The following FHIT variants were observed in gnomAD, a reference collection of about 807,000 sequenced individuals.
FHIT encodes fragile histidine triad diadenosine triphosphatase.
FHIT carries 19 observed loss-of-function variants against 17.9 expected under a neutral mutation model. That is an observed-to-expected ratio of 1.06 (90% confidence interval 0.74 to 1.56). The LOEUF (loss-of-function observed/expected upper bound fraction) is 1.56. FHIT is among the 40% of genes most tolerant of loss of function. The pLI, the probability that FHIT is intolerant of heterozygous loss-of-function variation, is 0.00. For synonymous variants in FHIT, 81 were observed against 69.7 expected (o/e 1.16, Z -0.81); for missense variants, 248 against 189.2 (o/e 1.31, Z -1.82).
At chr3:61,139,032 T>A (rs1283374734) in intron 2 of FHIT, among the ~76,000 whole-genome samples, 2 of 139,436 alleles carry the variant, frequency 1.4e-5, no homozygotes. Context: ...ATATCAAACT[T>A]TTTTTTTTTT....
At chr3:60,164,798 C>T (rs1007025209) in intron 5 of FHIT, among the ~76,000 whole-genome samples, 1 of 152,056 alleles carries the variant, frequency 6.6e-6, no homozygotes, top group Non-Finnish European at 1.5e-5. Flanking sequence ...TAAGAGAGTA[C>T]ATTTAAAGCA....
At chr3:60,217,068 G>C (rs1703729159) in intron 5 of FHIT, among the ~76,000 whole-genome samples, 1 of 152,148 alleles carries the variant, frequency 6.6e-6, no homozygotes, top group South Asian at 2.1e-4. Context: ...CTATATTAAA[G>C]CATTAGCATG....
chr3:60,305,044 A>G (rs1372497733), intron 5 of FHIT, among the ~76,000 whole-genome samples: 1 of 152,136 alleles, frequency 6.6e-6, no homozygotes, highest in African/African-American at 2.4e-5. Flanking sequence ...ATTGGTGAAA[A>G]TCCTACCACT....
At chr3:60,821,246 G>C (rs540677293) in intron 4 of FHIT, among the ~76,000 whole-genome samples, 3 of 152,236 alleles carry the variant, frequency 2.0e-5, no homozygotes, top group African/African-American at 7.2e-5. Context: ...AAAGTGCTGG[G>C]ATTACAGGCC....
chr3:60,490,177 A>G (rs963507064), intron 5 of FHIT, among the ~76,000 whole-genome samples: 2 of 152,206 alleles, frequency 1.3e-5, no homozygotes, highest in Non-Finnish European at 2.9e-5. Flanking sequence ...AGCCACAAAC[A>G]TGGTTTAATC....
chr3:60,313,496 T>G (rs1038499707), intron 5 of FHIT, among the ~76,000 whole-genome samples: 2 of 152,172 alleles, frequency 1.3e-5, no homozygotes, highest in Admixed American at 6.5e-5. Context: ...ACCTATAACT[T>G]AGATTTCATG....
At position 59,779,998 on chromosome 3, in the gene FHIT, C is replaced by A. The variant is rs932568969; in HGVS notation, c.349-27677G>T. Among the ~76,000 whole-genome samples the A allele has an allele frequency of 3.9e-5, 6 of 152,176 alleles. No homozygotes were observed. The South Asian group carries it at 6.2e-4, about 16-fold the overall frequency. ...CTGCTAGGCAGAAGGTGGGTGAAAG[C>A]CACAAGCATAGCCTGCCTCATAGTA... On this transcript the variant is annotated intron_variant, in intron 8 of 9. Coordinates refer to ENST00000492590, the MANE Select transcript of FHIT (RefSeq NM_002012.4).
intron 5 of FHIT, among the ~76,000 whole-genome samples, chr3:60,308,771 A>T (rs910667336): frequency 6.6e-6 from 1 of 152,136 alleles, no homozygotes; most frequent in Non-Finnish European, 1.5e-5. Context: ...TCACTCCTAT[A>T]ATCATCTCTA....
chr3:61,090,130 T>C (rs1449014643), intron 2 of FHIT, among the ~76,000 whole-genome samples: 3 of 152,222 alleles, frequency 2.0e-5, no homozygotes, highest in African/African-American at 7.2e-5. Flanking sequence ...AGTATCAAAA[T>C]AGCCCCCCAA....
chr3:60,673,565 T>A (rs1319429599), intron 4 of FHIT, among the ~76,000 whole-genome samples: 3 of 152,058 alleles, frequency 2.0e-5, no homozygotes, highest in Non-Finnish European at 4.4e-5. Flanking sequence ...GATAAATAGC[T>A]AATGCATGTG....
intron 4 of FHIT, among the ~76,000 whole-genome samples, chr3:60,775,221 TG>T (rs1427934037): frequency 6.6e-6 from 1 of 152,132 alleles, no homozygotes; most frequent in Non-Finnish European, 1.5e-5. Context: ...TCAGTACAAA[TG>T]GTAAACTCAC....
intron 1 of FHIT, among the ~76,000 whole-genome samples, chr3:61,208,413 G>A (rs1371796211): frequency 6.6e-6 from 1 of 151,910 alleles, no homozygotes; most frequent in Admixed American, 6.6e-5. Context: ...TGACAGTGGG[G>A]TATTAAAGTC....
chr3:61,244,771 T>C (rs1038295509), intron 1 of FHIT, among the ~76,000 whole-genome samples: 3 of 152,224 alleles, frequency 2.0e-5, no homozygotes, highest in East Asian at 3.8e-4. Context: ...TGTTAGCTCA[T>C]GTTTTCTTAT....
chr3:60,612,915 T>G (rs1177819554), intron 4 of FHIT, among the ~76,000 whole-genome samples: 1 of 152,204 alleles, frequency 6.6e-6, no homozygotes, highest in Non-Finnish European at 1.5e-5. Context: ...CAACGAATCA[T>G]ATTTGGCATG....
At chr3:60,524,580 G>A (rs2035503305) in intron 5 of FHIT, among the ~76,000 whole-genome samples, 1 of 152,134 alleles carries the variant, frequency 6.6e-6, no homozygotes, top group South Asian at 2.1e-4. Flanking sequence ...TAAATTGGTG[G>A]CTGAAAACAA....
intron 4 of FHIT, among the ~76,000 whole-genome samples, chr3:60,749,131 C>T (rs1039769096): frequency 2.6e-5 from 4 of 152,070 alleles, no homozygotes; most frequent in Non-Finnish European, 5.9e-5. Flanking sequence ...TTTGTTCATC[C>T]AGGTACGAGT....
intron 5 of FHIT, among the ~76,000 whole-genome samples, chr3:60,453,262 T>A: frequency 6.6e-6 from 1 of 152,138 alleles, no homozygotes; most frequent in Admixed American, 6.6e-5. Flanking sequence ...AACTTGGCTT[T>A]GCCATTTTCT....
chr3:59,913,255 A>T (rs1014142756), intron 8 of FHIT, among the ~76,000 whole-genome samples: 2 of 151,980 alleles, frequency 1.3e-5, no homozygotes, highest in African/African-American at 4.8e-5. Flanking sequence ...GGATATGAAA[A>T]CCATTTGGGA....
Position 61,020,939 on chromosome 3 carries a change from G to T in FHIT, c.-111+21108C>A, listed in dbSNP as rs1205994699. On this transcript the variant is annotated intron_variant, in intron 3 of 9. Coordinates refer to ENST00000492590, the MANE Select transcript of FHIT (RefSeq NM_002012.4). The stretch of plus-strand genomic sequence containing the variant: ...CAAAGATCAAAAAAGACAAAGTAGG[G>T]CATTACATAATGGTAAAGGGATCAA... 2.0e-5 allele frequency among the ~76,000 whole-genome samples: 3 copies of T among 152,072 alleles called. No individual in the cohort carries two copies. The East Asian group carries it at 5.8e-4, about 29-fold the overall frequency.
Sources: allele counts gnomAD v4.1 joint callset (sites outside exome capture counted in the v4.1 genomes callset), GRCh38; gene constraint gnomAD v4.1.1; transcripts MANE v1.5; gene names NCBI Gene and HGNC (gene_info 2026-07-23, HGNC 2026-07-21).